The following PAX7 variants were observed in gnomAD, a reference collection of about 807,000 sequenced individuals.
PAX7 encodes paired box protein Pax-7.
Under a neutral mutation model 50.7 loss-of-function variants are expected in PAX7, and 18 were observed. The ratio of observed to expected loss-of-function variants is 0.36; its 90% CI spans 0.25 to 0.53. PAX7 has a LOEUF of 0.53. PAX7 is among the 20% of genes least tolerant of loss of function. The pLI is 0.93. For synonymous variants in PAX7, 310 were observed against 290.4 expected, an observed-to-expected ratio of 1.07 and a Z score of -0.69; for missense variants, 644 against 702.9, an observed-to-expected ratio of 0.92 and a Z score of 0.95.
chr1:18,727,350 C>CCTCT (rs56128615), intron 7 of PAX7, among the ~76,000 whole-genome samples: 20,875 of 134,972 alleles, frequency 0.15, 1,954 homozygotes, highest in East Asian at 0.2. Context: ...ACTCTCTCAT[C>CCTCT]CTCTCTCTCT....
intron 4 of PAX7, among the ~76,000 whole-genome samples, chr1:18,658,209 C>T (rs867959242): frequency 2.4e-4 from 37 of 152,192 alleles, no homozygotes; most frequent in African/African-American, 8.4e-4. Context: ...CCCTTCTCCT[C>T]CTCTTCCCTG....
At chr1:18,646,899 G>C (rs2088349954) in intron 4 of PAX7, among the ~76,000 whole-genome samples, 1 of 147,900 alleles carries the variant, frequency 6.8e-6, no homozygotes. Context: ...CGGCGCGGGG[G>C]GAGCGGCCCG....
At position 18,634,978 on chromosome 1, in the gene PAX7, C is replaced by T; in HGVS notation, c.322-133C>T. 1 of 1,162,272 alleles carries T rather than the reference C, an allele frequency of 8.6e-7. No individual in the cohort carries two copies. Among genetic ancestry groups the T allele is most frequent in the Non-Finnish European group, 1.2e-6 (1 of 837,172 alleles). The allele number at this position is 1,162,272 out of a possible 1,614,324, so 72.0% of individuals were successfully genotyped here. ...TTTCTTGAAAGGATAAAGCCAATCT[C>T]TTGGGGGATGGGGGGACACAAGGTA... On this transcript the variant is annotated intron_variant, in intron 2 of 8. Coordinates refer to ENST00000420770, the MANE Select transcript of PAX7 (RefSeq NM_001135254.2). This position sits in a 1 kb window ranked among gnomAD's most constrained non-coding sequence, Gnocchi z 4.0.
chr1:18,724,142 C>CTGGGTGGT (rs2089527197), intron 7 of PAX7, among the ~76,000 whole-genome samples: 1 of 152,230 alleles, frequency 6.6e-6, no homozygotes, highest in Admixed American at 6.5e-5. Context: ...GCTCACCCGG[C>CTGGGTGGT]TCCTCTGCAA....
chr1:18,634,682 G>T lies in PAX7; in HGVS notation c.321+144G>T, dbSNP rs2088116488. 6 of 669,520 alleles carry T rather than the reference G, an allele frequency of 9.0e-6. No homozygotes were observed. The highest frequency in any genetic ancestry group is 2.9e-5 in the Admixed American group (1 of 35,022). 41.5% of individuals were successfully genotyped at this position (669,520 alleles called of 1,614,324 possible). ...TTCTACTCCCAGATGTCCTCCCATT[G>T]TTTTCCTATTATTTGAATTTCTCAG... On this transcript the variant is annotated intron_variant, in intron 2 of 8. Coordinates refer to ENST00000420770, the MANE Select transcript of PAX7 (RefSeq NM_001135254.2). The surrounding 1 kb of genome is among the most constrained non-coding windows in gnomAD (Gnocchi z 4.0).
intron 4 of PAX7, among the ~76,000 whole-genome samples, chr1:18,668,382 A>G (rs1052383925): frequency 5.9e-5 from 9 of 152,166 alleles, no homozygotes; most frequent in African/African-American, 2.2e-4. Context: ...GGCACCTAGT[A>G]GGTGCTCAGT....
intron 4 of PAX7, among the ~76,000 whole-genome samples, chr1:18,637,323 G>A (rs2088177980): frequency 6.6e-6 from 1 of 152,104 alleles, no homozygotes. Flanking sequence ...CTTGGTAAGT[G>A]CACGTTAAGG....
At chr1:18,720,527 A>T (rs2089480230) in intron 7 of PAX7, among the ~76,000 whole-genome samples, 1 of 152,066 alleles carries the variant, frequency 6.6e-6, no homozygotes, top group African/African-American at 2.4e-5. Flanking sequence ...GGTCAGAGAG[A>T]CAGACAGACA....
At chr1:18,709,651 T>C (rs963409128) in intron 7 of PAX7, among the ~76,000 whole-genome samples, 10 of 152,336 alleles carry the variant, frequency 6.6e-5, no homozygotes, top group African/African-American at 2.4e-4. Flanking sequence ...GTTTTACAGA[T>C]GAGGAAACCT....
chr1:18,656,991 CA>C (rs1181433064), intron 4 of PAX7, among the ~76,000 whole-genome samples: 1 of 151,904 alleles, frequency 6.6e-6, no homozygotes, highest in African/African-American at 2.4e-5. Context: ...AACCCTGTCT[CA>C]AAAAATAAAT....
At chr1:18,718,634 G>A (rs891487894) in intron 7 of PAX7, among the ~76,000 whole-genome samples, 19 of 148,208 alleles carry the variant, frequency 1.3e-4, no homozygotes, top group Non-Finnish European at 2.4e-4. Flanking sequence ...TGGTATCCAC[G>A]CCTTGACCCT....
At chr1:18,660,664 A>G (rs1245845563) in intron 4 of PAX7, among the ~76,000 whole-genome samples, 1 of 152,082 alleles carries the variant, frequency 6.6e-6, no homozygotes, top group African/African-American at 2.4e-5. Context: ...AGCCCCAGAG[A>G]GCTGACCTGA....
chr1:18,634,604 C>T lies in PAX7; in HGVS notation c.321+66C>T. The T allele has an allele frequency of 1.5e-6, 2 of 1,303,102 alleles. No homozygotes were observed. Among genetic ancestry groups the T allele is most frequent in the East Asian group, 2.3e-5 (1 of 42,840 alleles). 80.7% of individuals were successfully genotyped at this position (1,303,102 alleles called of 1,614,324 possible). A position where few individuals can be genotyped will look rare whatever the true frequency, so the allele number is the denominator to read the frequency against. Reference sequence around the variant, plus strand: ...TAGTCGGGGGCTCCTGGTTGTGGCCCCTCTTACTACCTCGTGGCACCAGGC... The same window carrying T: ...TAGTCGGGGGCTCCTGGTTGTGGCCTCTCTTACTACCTCGTGGCACCAGGC... On this transcript the variant is annotated intron_variant, in intron 2 of 8. Coordinates refer to ENST00000420770, the MANE Select transcript of PAX7 (RefSeq NM_001135254.2). This position sits in a 1 kb window ranked among gnomAD's most constrained non-coding sequence, Gnocchi z 4.0.
Position 18,632,327 on chromosome 1 carries a change from G to C in PAX7, c.85+639G>C, listed in dbSNP as rs560308887. Reference sequence around the variant, plus strand: ...ATCTCCCGGGAGAGAACCTCTAAACGGCGAGGTTTAGAGAACCTCTAAACG... The same window carrying C: ...ATCTCCCGGGAGAGAACCTCTAAACCGCGAGGTTTAGAGAACCTCTAAACG... On this transcript the variant is annotated intron_variant, in intron 1 of 8. Coordinates refer to ENST00000420770, the MANE Select transcript of PAX7 (RefSeq NM_001135254.2). The surrounding 1 kb of genome is among the most constrained non-coding windows in gnomAD (Gnocchi z 6.3). 1.1e-4 allele frequency among the ~76,000 whole-genome samples: 16 copies of C among 152,260 alleles called. No individual in the cohort carries two copies. Among genetic ancestry groups the C allele is most frequent in the African/African-American group, 3.9e-4 (16 of 41,556 alleles).
At chr1:18,667,946 G>T (rs1192390719) in intron 4 of PAX7, among the ~76,000 whole-genome samples, 1 of 152,134 alleles carries the variant, frequency 6.6e-6, no homozygotes, top group Non-Finnish European at 1.5e-5. Context: ...AGCCATCAAA[G>T]GATGCTTCCT....
rs974972634 is a variant in PAX7 at position 18,632,072 on chromosome 1, T to C, written c.85+384T>C. Among the ~76,000 whole-genome samples the C allele has an allele frequency of 6.6e-6, 1 of 152,012 alleles. No individual in the cohort carries two copies. The highest frequency in any genetic ancestry group is 1.5e-5 in the Non-Finnish European group (1 of 68,012). ...GGCTCGCTGGCTGCCAGCTTTCTAC[T>C]CTTGTTTTGAATTATTTTTTCCACC... is the stretch of plus-strand genomic sequence containing the variant. On this transcript the variant is annotated intron_variant, in intron 1 of 8. Coordinates refer to ENST00000420770, the MANE Select transcript of PAX7 (RefSeq NM_001135254.2). This position sits in a 1 kb window ranked among gnomAD's most constrained non-coding sequence, Gnocchi z 6.3.
intron 7 of PAX7, among the ~76,000 whole-genome samples, chr1:18,723,096 G>A (rs1017675010): frequency 2.8e-4 from 42 of 152,286 alleles, no homozygotes; most frequent in African/African-American, 9.6e-4. Flanking sequence ...AGCAAGAGGC[G>A]AATCTGGTTG....
chr1:18,670,885 A>C (rs2100235886), intron 4 of PAX7, among the ~76,000 whole-genome samples: 1 of 152,234 alleles, frequency 6.6e-6, no homozygotes, highest in East Asian at 1.9e-4. Context: ...ATTTGTTTAT[A>C]ATTTACTCTC....
At chr1:18,711,075 C>G (rs914840890) in intron 7 of PAX7, among the ~76,000 whole-genome samples, 1 of 152,174 alleles carries the variant, frequency 6.6e-6, no homozygotes, top group Non-Finnish European at 1.5e-5. Flanking sequence ...TTCAGGCCTC[C>G]GCTTTCTCGG....
Sources: gnomAD v4.1 joint callset for allele counts (sites outside exome capture counted in the v4.1 genomes callset) on GRCh38, gnomAD v4.1.1 for gene constraint, Gnocchi (gnomAD v3.1) non-coding constraint, MANE v1.5 for transcripts, NCBI Gene and HGNC (gene_info 2026-07-23, HGNC 2026-07-21) for gene names.